Variants in SUGCT observed in about 807,000 individuals in gnomAD.
SUGCT encodes succinyl-CoA:glutarate-CoA transferase.
SUGCT carries 41 observed loss-of-function variants against 55.0 expected under a neutral mutation model. That is an observed-to-expected ratio of 0.74 (90% CI 0.58 to 0.97). The LOEUF is 0.97. SUGCT is among the 50% of genes least tolerant of loss of function. The probability of loss-of-function intolerance (pLI) is 0.00; values close to 1 mark genes in which losing one functional copy is unlikely to be tolerated. For missense variants in SUGCT, 568 were observed against 547.8 expected (o/e 1.04, Z -0.37); for synonymous variants, 187 against 200.4 (o/e 0.93, Z 0.56).
intron 12 of SUGCT, among the ~76,000 whole-genome samples, chr7:40,698,765 AC>A (rs1785048103): frequency 6.6e-6 from 1 of 152,166 alleles, no homozygotes; most frequent in South Asian, 2.1e-4. Context: ...TATGACTCAT[AC>A]TTTTCAACTC....
chr7:40,325,996 A>G (rs1388941266), intron 9 of SUGCT, among the ~76,000 whole-genome samples: 2 of 146,494 alleles, frequency 1.4e-5, no homozygotes, highest in South Asian at 4.4e-4. Context: ...TCTAGTGGGT[A>G]CCAAACCTAA....
chr7:40,490,696 C>T (rs1791629259), intron 11 of SUGCT, among the ~76,000 whole-genome samples: 1 of 152,158 alleles, frequency 6.6e-6, no homozygotes, highest in South Asian at 2.1e-4. Context: ...GCTGCTGTCA[C>T]TCTAAAAGAA....
chr7:40,259,105 G>A (rs917498045), intron 7 of SUGCT, among the ~76,000 whole-genome samples: 2 of 152,140 alleles, frequency 1.3e-5, no homozygotes, highest in African/African-American at 4.8e-5. Context: ...TATGGAATCC[G>A]AAAATGTCTA....
At chr7:40,377,663 A>T (rs1784671912) in intron 9 of SUGCT, among the ~76,000 whole-genome samples, 1 of 152,188 alleles carries the variant, frequency 6.6e-6, no homozygotes, top group South Asian at 2.1e-4. Flanking sequence ...GTTGTCTTTT[A>T]TATTTACCTA....
At chr7:40,664,709 G>T (rs1352034968) in intron 12 of SUGCT, among the ~76,000 whole-genome samples, 1 of 152,124 alleles carries the variant, frequency 6.6e-6, no homozygotes, top group Non-Finnish European at 1.5e-5. Context: ...AGCTGGGCAC[G>T]GTGGCTCACA....
At chr7:41,014,424 CCTT>C in the SUGCT span, among the ~76,000 whole-genome samples, 1 of 152,202 alleles carries the variant, frequency 6.6e-6, no homozygotes. Flanking sequence ...ACCACCTCCT[CCTT>C]CTCCAATTTC....
intron 9 of SUGCT, among the ~76,000 whole-genome samples, chr7:40,442,863 C>A (rs1244510947): frequency 6.6e-6 from 1 of 152,084 alleles, no homozygotes; most frequent in Admixed American, 6.6e-5. Context: ...CTAATGCTAT[C>A]CCTCCCCCTT....
At chr7:40,155,477 G>A (rs1362600392) in intron 1 of SUGCT, among the ~76,000 whole-genome samples, 2 of 152,172 alleles carry the variant, frequency 1.3e-5, no homozygotes, top group Non-Finnish European at 2.9e-5. Context: ...AGCAACATAG[G>A]TATGGTTCCC....
At chr7:40,397,032 C>T (rs952540547) in intron 9 of SUGCT, among the ~76,000 whole-genome samples, 2 of 152,040 alleles carry the variant, frequency 1.3e-5, no homozygotes, top group Non-Finnish European at 2.9e-5. Flanking sequence ...ATCAGATAGA[C>T]CTTACCACCA....
At chr7:40,852,789 G>A (rs971204182) in intron 13 of SUGCT, among the ~76,000 whole-genome samples, 5 of 151,722 alleles carry the variant, frequency 3.3e-5, no homozygotes, top group Non-Finnish European at 7.4e-5. Context: ...CCTCCCCACT[G>A]TGATTGCAAT....
chr7:40,305,600 T>G (rs1338782761), intron 8 of SUGCT, among the ~76,000 whole-genome samples: 3 of 152,172 alleles, frequency 2.0e-5, no homozygotes. Flanking sequence ...TCCATCTTGC[T>G]TAGAACTCCA....
At chr7:40,483,193 G>A (rs1022726673) in intron 11 of SUGCT, among the ~76,000 whole-genome samples, 2 of 152,112 alleles carry the variant, frequency 1.3e-5, no homozygotes, top group African/African-American at 2.4e-5. Context: ...TTGTAGACTC[G>A]AGGCTGGATC....
intron 1 of SUGCT, among the ~76,000 whole-genome samples, chr7:40,161,015 A>G: frequency 6.6e-6 from 1 of 152,218 alleles, no homozygotes; most frequent in Admixed American, 6.5e-5. Context: ...CATAACATGA[A>G]TATGGCTAGG....
At chr7:40,944,437 C>T in the SUGCT span, among the ~76,000 whole-genome samples, 1 of 151,116 alleles carries the variant, frequency 6.6e-6, no homozygotes, top group Non-Finnish European at 1.5e-5. Context: ...GTCTTTAATC[C>T]ATCTTGAATT....
At chr7:40,660,745 A>T (rs1173466502) in intron 12 of SUGCT, among the ~76,000 whole-genome samples, 1 of 152,130 alleles carries the variant, frequency 6.6e-6, no homozygotes, top group Non-Finnish European at 1.5e-5. Context: ...GTTTGATAAA[A>T]ACAACCCAGT....
chr7:40,807,589 A>G (rs184629872), intron 13 of SUGCT, among the ~76,000 whole-genome samples: 16 of 152,320 alleles, frequency 1.1e-4, no homozygotes, highest in Admixed American at 9.8e-4. Flanking sequence ...GGACAAACAG[A>G]GGCTCAGAAC....
At chr7:40,593,430 G>A (rs1301168999) in intron 12 of SUGCT, among the ~76,000 whole-genome samples, 1 of 152,140 alleles carries the variant, frequency 6.6e-6, no homozygotes, top group Non-Finnish European at 1.5e-5. Flanking sequence ...CATTGGCAAA[G>A]GACAATGTAC....
chr7:40,745,522 C>G (rs1226743722), intron 12 of SUGCT, among the ~76,000 whole-genome samples: 1 of 152,142 alleles, frequency 6.6e-6, no homozygotes, highest in Non-Finnish European at 1.5e-5. Context: ...GGCTGTCAAT[C>G]TGTAAAACGC....
the SUGCT span, among the ~76,000 whole-genome samples, chr7:41,034,966 A>G: frequency 1.3e-5 from 2 of 151,890 alleles, no homozygotes; most frequent in African/African-American, 4.8e-5. Flanking sequence ...GGCTGGCTGG[A>G]CTCCCTATTT....
Sources: gnomAD v4.1 joint callset for allele counts (sites outside exome capture counted in the v4.1 genomes callset) on GRCh38, gnomAD v4.1.1 for gene constraint, MANE v1.5 for transcripts, NCBI Gene and HGNC (gene_info 2026-07-23, HGNC 2026-07-21) for gene names.